Variants in PCDHGB1 observed in about 807,000 individuals in gnomAD.
The protein encoded by PCDHGB1 is protocadherin gamma-B1.
A neutral mutation model predicts 56.6 loss-of-function variants in PCDHGB1; 34 were observed. That is an observed-to-expected ratio of 0.60 (90% CI 0.46 to 0.80). The LOEUF (loss-of-function observed/expected upper bound fraction) is 0.80, where lower values mean the gene tolerates loss of function less well. Ranked by LOEUF, PCDHGB1 falls within the 30% of genes least tolerant of loss-of-function variation. The pLI is 0.00. For missense variants in PCDHGB1, 1,278 were observed against 1,204.6 expected (o/e 1.06, Z -0.90); for synonymous variants, 561 against 505.9 (o/e 1.11, Z -1.46).
Position 141,477,388 on chromosome 5 carries a change from C to T in PCDHGB1, c.2410-17419C>T. The T allele has an allele frequency of 6.2e-7, 1 of 1,614,136 alleles. No homozygotes were observed. The highest frequency in any genetic ancestry group is 8.5e-7 in the Non-Finnish European group (1 of 1,180,014). On this transcript the variant is annotated intron_variant, in intron 1 of 3. Transcript: ENST00000523390. The surrounding 1 kb of genome is among the most constrained non-coding windows in gnomAD (Gnocchi z 4.9). Reference sequence around the variant, plus strand: ...ATCGGGAGACTGTGCCAGAATACAACCTCAGCATCACCGCCCGAGACGCCG... The same window carrying T: ...ATCGGGAGACTGTGCCAGAATACAATCTCAGCATCACCGCCCGAGACGCCG...
chr5:141,385,520 G>A, intron 1 of PCDHGB1: 1 of 1,359,080 alleles, frequency 7.4e-7, no homozygotes, highest in African/African-American at 1.5e-5. Flanking sequence ...GAAAGCCTAT[G>A]GACAAGATTA....
At chr5:141,361,287 C>A (rs762239978) in intron 1 of PCDHGB1, 1 of 1,613,944 alleles carries the variant, frequency 6.2e-7, no homozygotes, top group South Asian at 1.1e-5. Flanking sequence ...AAGTTTACTG[C>A]CAAGTGTTGG....
Position 141,431,999 on chromosome 5 carries a change from C to G in PCDHGB1, c.2410-62808C>G. The G allele has an allele frequency of 6.2e-7, 1 of 1,614,158 alleles. No homozygotes were observed. The highest frequency in any genetic ancestry group is 1.1e-5 in the South Asian group (1 of 91,086). On this transcript the variant is annotated intron_variant, in intron 1 of 3. Transcript: ENST00000523390. This position sits in a 1 kb window ranked among gnomAD's most constrained non-coding sequence, Gnocchi z 4.8. ...CACAGACATAGTCTTGGATAGGGAA[C>G]AGGTTCCTAGCTACAACATCACAGT... is the stretch of plus-strand genomic sequence containing the variant.
At chr5:141,455,244 T>A (rs977940552) in intron 1 of PCDHGB1, among the ~76,000 whole-genome samples, 4 of 152,142 alleles carry the variant, frequency 2.6e-5, no homozygotes, top group Non-Finnish European at 4.4e-5. Flanking sequence ...TTAAAGGTCA[T>A]AGTACAATCG....
rs1032445242 is a variant in PCDHGB1 at position 141,487,571 on chromosome 5, G to C, written c.2410-7236G>C. The C allele has an allele frequency of 6.2e-7, 1 of 1,614,060 alleles. No homozygotes were observed. The highest frequency in any genetic ancestry group is 8.5e-7 in the Non-Finnish European group (1 of 1,180,046). ...CAGTGCACCTATGGCAGGGGAGCCTGTTCGCCCAAGCTGCCCACCCTCTGA... is the reference window on the plus strand; with the variant it reads ...CAGTGCACCTATGGCAGGGGAGCCTCTTCGCCCAAGCTGCCCACCCTCTGA... On this transcript the variant is annotated intron_variant, in intron 1 of 3. Transcript: ENST00000523390. This position sits in a 1 kb window ranked among gnomAD's most constrained non-coding sequence, Gnocchi z 5.0.
rs773624580 is a variant in PCDHGB1 at position 141,489,715 on chromosome 5, G to A, written c.2410-5092G>A. On this transcript the variant is annotated intron_variant, in intron 1 of 3. Transcript: ENST00000523390. The surrounding 1 kb of genome is among the most constrained non-coding windows in gnomAD (Gnocchi z 4.5). ...ACGATTCCCACTGGACAGTGCCCAG[G>A]ATCCGGATGTGGGCACCAATACTGT... The A allele has an allele frequency of 6.2e-6, 10 of 1,614,004 alleles. No homozygotes were observed. The highest frequency in any genetic ancestry group is 2.2e-5 in the East Asian group (1 of 44,886).
chr5:141,409,495 T>C (rs777919409), intron 1 of PCDHGB1: 5 of 1,613,862 alleles, frequency 3.1e-6, no homozygotes, highest in Non-Finnish European at 4.2e-6. Context: ...GCAAGCCGCC[T>C]CTTTCTTCCA....
chr5:141,490,485 G>A lies in PCDHGB1; in HGVS notation c.2410-4322G>A. 3 of 1,614,202 alleles carry A rather than the reference G, an allele frequency of 1.9e-6. No individual in the cohort carries two copies. Among genetic ancestry groups the A allele is most frequent in the Middle Eastern group, 3.3e-4 (2 of 6,062 alleles). On this transcript the variant is annotated intron_variant, in intron 1 of 3. Coordinates refer to ENST00000523390, the MANE Select transcript of PCDHGB1 (RefSeq NM_018922.3). This position sits in a 1 kb window ranked among gnomAD's most constrained non-coding sequence, Gnocchi z 5.4. ...TAACCAGCCAGCCTTTGGACCGGGA[G>A]GCCACATCCCACTATATCATCGAGC... is the stretch of plus-strand genomic sequence containing the variant.
chr5:141,371,367 G>T, intron 1 of PCDHGB1: 1 of 1,613,892 alleles, frequency 6.2e-7, no homozygotes, highest in South Asian at 1.1e-5. Context: ...AAAGGATGGT[G>T]GACATCACAC....
In PCDHGB1 at chr5:141,489,661, C is replaced by T. The variant is rs756803543; in HGVS notation, c.2410-5146C>T. 36 of 1,614,146 alleles carry T rather than the reference C, an allele frequency of 2.2e-5. 1 individual carries two copies. Among genetic ancestry groups the T allele is most frequent in the South Asian group, 5.5e-5 (5 of 91,090 alleles). ...CTTTGCCACCCCTGAGCGAGAGATG[C>T]GCATCTCAGAATCAGCAGCATCTGG... On this transcript the variant is annotated intron_variant, in intron 1 of 3. Coordinates refer to ENST00000523390, the MANE Select transcript of PCDHGB1 (RefSeq NM_018922.3). The surrounding 1 kb of genome is among the most constrained non-coding windows in gnomAD (Gnocchi z 4.5).
chr5:141,382,910 A>G, intron 1 of PCDHGB1: 1 of 1,546,576 alleles, frequency 6.5e-7, no homozygotes. Flanking sequence ...ATGGCGGCTC[A>G]GCCGAGGGGC....
At chr5:141,440,431 A>G (rs1338519888) in intron 1 of PCDHGB1, 1 of 152,222 alleles carries the variant, frequency 6.6e-6, no homozygotes, top group Non-Finnish European at 1.5e-5. Flanking sequence ...TGGGTGACAG[A>G]GCAAGGCGCC....
chr5:141,378,930 G>T (rs1588866145), intron 1 of PCDHGB1: 1 of 152,190 alleles, frequency 6.6e-6, no homozygotes, highest in East Asian at 1.9e-4. Flanking sequence ...GTAAGTTGAT[G>T]GCCCTGGAAT....
chr5:141,370,277 C>T, intron 1 of PCDHGB1: 1 of 847,602 alleles, frequency 1.2e-6, no homozygotes, highest in East Asian at 2.6e-5. Flanking sequence ...CGGAGACACC[C>T]ATTAGAGAAC....
At position 141,404,691 on chromosome 5, in the gene PCDHGB1, G is replaced by A. The variant is rs200601931; in HGVS notation, c.2409+52022G>A. ...TCTACTGGTGTGGAGCTGGCACCCC[G>A]CTCTGCAGAGCCTGGCTACCTGGTG... is the stretch of plus-strand genomic sequence containing the variant. On this transcript the variant is annotated intron_variant, in intron 1 of 3. Transcript: ENST00000523390. 1.4e-5 allele frequency: 22 copies of A among 1,613,996 alleles called. No individual in the cohort carries two copies. The East Asian group carries it at 3.8e-4, about 28-fold the overall frequency.
chr5:141,383,077 G>A (rs1415482680), intron 1 of PCDHGB1: 2 of 1,613,774 alleles, frequency 1.2e-6, no homozygotes, highest in African/African-American at 2.7e-5. Flanking sequence ...CCGGGAGCTG[G>A]CGGAGCGCGG....
intron 1 of PCDHGB1, chr5:141,422,453 G>GA: frequency 6.2e-7 from 1 of 1,611,704 alleles, no homozygotes. Context: ...ATAACAAGCA[G>GA]AGTGCTGGAC....
chr5:141,501,852 A>G (rs922276780), intron 2 of PCDHGB1, among the ~76,000 whole-genome samples: 2 of 151,924 alleles, frequency 1.3e-5, no homozygotes, highest in African/African-American at 4.8e-5. Context: ...TCAACCTTCA[A>G]CCATTTCCCA....
At chr5:141,352,705 G>C in intron 1 of PCDHGB1, 36 bp downstream of exon 1, 1 of 1,545,256 alleles carries the variant, frequency 6.5e-7, no homozygotes, top group Non-Finnish European at 8.7e-7. Context: ...TTTTATATAT[G>C]GCGGCCGGGC....
Sources: gnomAD v4.1 joint callset for allele counts (sites outside exome capture counted in the v4.1 genomes callset) on GRCh38, gnomAD v4.1.1 for gene constraint, Gnocchi (gnomAD v3.1) non-coding constraint, MANE v1.5 for transcripts, NCBI Gene and HGNC (gene_info 2026-07-23, HGNC 2026-07-21) for gene names.